The following ZNF277 variants were observed in gnomAD, a reference collection of about 807,000 sequenced individuals.
ZNF277 encodes the protein zinc finger protein 277, also known as nuclear receptor-interacting factor 4.
In ZNF277, 55 loss-of-function variants were observed where a neutral mutation model predicts 60.7. That is an observed-to-expected ratio of 0.91 (90% confidence interval 0.73 to 1.13). The LOEUF is 1.13. Ranked by LOEUF, ZNF277 falls within the 50% of genes most tolerant of loss-of-function variation. The probability of loss-of-function intolerance (pLI) is 0.00; values close to 1 mark genes in which losing one functional copy is unlikely to be tolerated. For synonymous variants in ZNF277, 178 were observed against 179.3 expected (o/e 0.99, Z 0.06); for missense variants, 510 against 523.0 (o/e 0.98, Z 0.24).
rs1216607400 is a variant in ZNF277, at chr7:112,343,758, T to C, written c.*1029T>C. ...CTGGCCAACGTGGCAAAACCCCATC[T>C]CTACGAAAAATACACAGATTAGCCA... On this transcript the variant is annotated 3_prime_UTR_variant, in exon 12 of 12. Coordinates refer to ENST00000361822, the MANE Select transcript of ZNF277 (RefSeq NM_021994.3). Among the ~76,000 whole-genome samples, 1 of 151,820 alleles carries C rather than the reference T, an allele frequency of 6.6e-6. No homozygotes were observed. Among genetic ancestry groups the C allele is most frequent in the East Asian group, 1.9e-4 (1 of 5,168 alleles).
intron 1 of ZNF277, among the ~76,000 whole-genome samples, chr7:112,265,691 A>G (rs902516967): frequency 1.5e-4 from 23 of 152,146 alleles, no homozygotes; most frequent in African/African-American, 5.6e-4. Context: ...AATCATCATA[A>G]TGTTAATGGT....
intron 1 of ZNF277, among the ~76,000 whole-genome samples, chr7:112,209,909 A>G (rs1821691525): frequency 6.6e-6 from 1 of 152,150 alleles, no homozygotes; most frequent in Non-Finnish European, 1.5e-5. Context: ...AGAAAACCAA[A>G]CACCACATGT....
chr7:112,334,881 G>A (rs531864506), intron 7 of ZNF277, among the ~76,000 whole-genome samples: 54 of 152,202 alleles, frequency 3.5e-4, no homozygotes, highest in African/African-American at 1.2e-3. Flanking sequence ...GCAGTGTTGA[G>A]GCCATTTTTG....
intron 1 of ZNF277, among the ~76,000 whole-genome samples, chr7:112,237,339 C>T (rs771819629): frequency 6.6e-6 from 1 of 151,588 alleles, no homozygotes; most frequent in Non-Finnish European, 1.5e-5. Flanking sequence ...TAAACTGAAC[C>T]CAAAGCTAGC....
chr7:112,206,911 G>A (rs967250572), intron 1 of ZNF277, 104 bp downstream of exon 1: 12 of 1,165,052 alleles, frequency 1.0e-5, no homozygotes, highest in African/African-American at 1.6e-5. Flanking sequence ...CAGCTCTGGG[G>A]CCACCTGGGT....
chr7:112,284,677 A>G (rs1792020503), intron 1 of ZNF277, among the ~76,000 whole-genome samples: 1 of 152,012 alleles, frequency 6.6e-6, no homozygotes, highest in Non-Finnish European at 1.5e-5. Flanking sequence ...TGTCATGTAT[A>G]TCCTATGTGT....
intron 1 of ZNF277, among the ~76,000 whole-genome samples, chr7:112,226,972 C>G (rs1267673664): frequency 6.6e-6 from 1 of 152,114 alleles, no homozygotes; most frequent in East Asian, 1.9e-4. Flanking sequence ...CTTCAGGATT[C>G]TCACTTACAT....
chr7:112,270,045 A>G (rs1252482048), intron 1 of ZNF277, among the ~76,000 whole-genome samples: 2 of 152,108 alleles, frequency 1.3e-5, no homozygotes, highest in Non-Finnish European at 2.9e-5. Flanking sequence ...AGCAATCCTA[A>G]TAAAAAGAAT....
intron 1 of ZNF277, among the ~76,000 whole-genome samples, chr7:112,219,203 A>G (rs999890538): frequency 2.0e-5 from 3 of 152,158 alleles, no homozygotes; most frequent in African/African-American, 7.2e-5. Context: ...TTCTCTAATG[A>G]TTAGTGATGT....
At chr7:112,249,620 G>A (rs1218116777) in intron 1 of ZNF277, among the ~76,000 whole-genome samples, 1 of 152,132 alleles carries the variant, frequency 6.6e-6, no homozygotes, top group Non-Finnish European at 1.5e-5. Context: ...GGGAAGTCAG[G>A]GACCCCAAAT....
At chr7:112,214,078 T>C (rs1366191387) in intron 1 of ZNF277, among the ~76,000 whole-genome samples, 1 of 152,212 alleles carries the variant, frequency 6.6e-6, no homozygotes, top group Non-Finnish European at 1.5e-5. Flanking sequence ...ATTGAGGGAT[T>C]TGATGGGTCA....
intron 10 of ZNF277, 45 bp downstream of exon 10, chr7:112,339,930 A>T (rs1793411079): frequency 6.4e-6 from 10 of 1,569,912 alleles, no homozygotes; most frequent in African/African-American, 1.3e-5. Flanking sequence ...TTCATTTTTT[A>T]TAAACCATCC....
intron 3 of ZNF277, 21 bp from the exon 4 acceptor site, chr7:112,296,208 G>A (rs1186665705): frequency 1.3e-6 from 2 of 1,489,352 alleles, no homozygotes; most frequent in Admixed American, 2.0e-5. Flanking sequence ...TTTCTTATTT[G>A]TTTTCCTAAT....
chr7:112,314,040 A>G (rs1792787913), intron 4 of ZNF277, among the ~76,000 whole-genome samples: 2 of 152,162 alleles, frequency 1.3e-5, no homozygotes, highest in African/African-American at 4.8e-5. Context: ...AGACCAAGCA[A>G]TATAGATGCC....
intron 4 of ZNF277, among the ~76,000 whole-genome samples, chr7:112,314,493 T>C (rs1035709193): frequency 2.0e-5 from 3 of 152,040 alleles, no homozygotes; most frequent in African/African-American, 7.2e-5. Flanking sequence ...GAGAAGACTT[T>C]TAAAAACCTA....
rs1793436401 is a variant in ZNF277 at position 112,341,100 on chromosome 7, C to T, written c.1184+54C>T. ...TCTTACTCCAACTCTTTGATTTTGT[C>T]CCTTTATTTAATTTCTTTAAGCCTA... On this transcript the variant is annotated intron_variant, in intron 11 of 11. Transcript: ENST00000361822. 4 of 1,474,190 alleles carry T rather than the reference C, an allele frequency of 2.7e-6. No homozygotes were observed. In the East Asian group the frequency reaches 9.8e-5, roughly 36 times the overall value. The allele number at this position is 1,474,190 out of a possible 1,614,324, so 91.3% of individuals were successfully genotyped here. A position where few individuals can be genotyped will look rare whatever the true frequency, so the allele number is the denominator to read the frequency against.
chr7:112,340,532 A>T (rs17159496), intron 10 of ZNF277, among the ~76,000 whole-genome samples: 16,219 of 152,202 alleles, frequency 0.11, 1,826 homozygotes, highest in African/African-American at 0.29. Context: ...CATTGTTTAT[A>T]TAATTAGCTT....
Position 112,286,926 on chromosome 7 carries a change from A to T in ZNF277, c.145A>T (p.Thr49Ser). 6.2e-7 allele frequency: 1 copy of T among 1,602,782 alleles called. No homozygotes were observed. Among genetic ancestry groups the T allele is most frequent in the Non-Finnish European group, 8.5e-7 (1 of 1,178,160 alleles). ...TTCCCTGCCAGAAAGTCCAGGTGGC[A>T]CCACCACTTTAGAAGGTTCTCCATC... ...PLSLPESPGG[T>S]TTLEGSPSVP... Residue 49 changes from threonine (T) to serine (S), a missense_variant, in exon 2 of 12, where the codon ACC (threonine) becomes TCC (serine). Physicochemically the swap from Thr to Ser is moderately conservative, Grantham distance 58. Transcript: ENST00000361822.
At chr7:112,337,954 C>G in intron 9 of ZNF277, 128 bp downstream of exon 9, 1 of 721,898 alleles carries the variant, frequency 1.4e-6, no homozygotes, top group Non-Finnish European at 2.2e-6. Flanking sequence ...CAGGCCAGGT[C>G]TGTCAGGGAG....
Sources: allele counts gnomAD v4.1 joint callset (sites outside exome capture counted in the v4.1 genomes callset), GRCh38; gene constraint gnomAD v4.1.1; transcripts MANE v1.5; gene names NCBI Gene and HGNC (gene_info 2026-07-23, HGNC 2026-07-21).